The following ATP10B variants were observed in gnomAD, a reference collection of about 807,000 sequenced individuals.
ATP10B encodes phospholipid-transporting ATPase VB.
Under a neutral mutation model 141.2 loss-of-function variants are expected in ATP10B, and 122 were observed. The ratio of observed to expected loss-of-function variants is 0.86; its 90% CI spans 0.75 to 1.00. ATP10B has a LOEUF of 1.00. Among genes scored for constraint, ATP10B ranks in the 50% least tolerant of loss-of-function variants. The probability of loss-of-function intolerance (pLI) is 0.00; values close to 1 mark genes in which losing one functional copy is unlikely to be tolerated. For synonymous variants in ATP10B, 685 were observed against 692.0 expected (o/e 0.99, Z 0.16); for missense variants, 1,876 against 1,825.3 (o/e 1.03, Z -0.51).
At chr5:160,751,472 G>C (rs1768145470) in intron 2 of ATP10B, among the ~76,000 whole-genome samples, 1 of 152,184 alleles carries the variant, frequency 6.6e-6, no homozygotes, top group African/African-American at 2.4e-5. Flanking sequence ...CATGGAAACT[G>C]ATAGCGGGCT....
chr5:160,745,592 C>T (rs1432789), intron 2 of ATP10B, among the ~76,000 whole-genome samples: 23,237 of 152,136 alleles, frequency 0.15, 2,834 homozygotes, highest in African/African-American at 0.34. Flanking sequence ...GATCTGTAGC[C>T]TGATTGATAG....
intron 1 of ATP10B, among the ~76,000 whole-genome samples, chr5:160,813,907 C>A (rs952583143): frequency 6.6e-6 from 1 of 152,184 alleles, no homozygotes; most frequent in African/African-American, 2.4e-5. Context: ...CTCCAACAGA[C>A]CTGTAGCTGA....
the ATP10B span, among the ~76,000 whole-genome samples, chr5:160,884,496 A>C: frequency 1.3e-5 from 2 of 152,208 alleles, no homozygotes; most frequent in African/African-American, 2.4e-5. Flanking sequence ...TAGTATAATC[A>C]AAAGAACTGG....
chr5:160,684,237 C>G (rs1033328418), intron 6 of ATP10B, among the ~76,000 whole-genome samples: 3 of 152,214 alleles, frequency 2.0e-5, no homozygotes, highest in Non-Finnish European at 4.4e-5. Context: ...AATGCAATTT[C>G]AGCTTGCATT....
intron 2 of ATP10B, among the ~76,000 whole-genome samples, chr5:160,762,824 T>C (rs1020977086): frequency 3.3e-5 from 5 of 151,722 alleles, no homozygotes; most frequent in South Asian, 4.2e-4. Context: ...GAGACTTATC[T>C]GGCACATGAA....
intron 2 of ATP10B, among the ~76,000 whole-genome samples, chr5:160,774,340 T>C (rs1259296313): frequency 2.0e-5 from 3 of 152,204 alleles, no homozygotes; most frequent in Admixed American, 1.3e-4. Context: ...GAAATCTAAG[T>C]GTGCCGAAGA....
chr5:160,868,569 C>CACAT, the ATP10B span, among the ~76,000 whole-genome samples: 1 of 147,936 alleles, frequency 6.8e-6, no homozygotes, highest in East Asian at 2.0e-4. Flanking sequence ...CACACACACA[C>CACAT]GATGCAACTA....
intron 6 of ATP10B, among the ~76,000 whole-genome samples, chr5:160,679,315 G>T (rs977825962): frequency 1.3e-5 from 2 of 152,170 alleles, no homozygotes; most frequent in Non-Finnish European, 2.9e-5. Context: ...TAAAAAGTCA[G>T]ATTAAAAAAA....
chr5:160,643,451 G>A (rs372348211), intron 9 of ATP10B, among the ~76,000 whole-genome samples: 34 of 152,274 alleles, frequency 2.2e-4, no homozygotes, highest in Admixed American at 1.2e-3. Context: ...GGTGCGTTGC[G>A]TACCTACGAG....
chr5:160,612,747 C>T lies in ATP10B; in HGVS notation c.2832G>A (p.Glu944=). Reference sequence around the variant, plus strand: ...ATACAGAGAATCACCTCACCTGATTCTCTGTATTGATGGTATAAACAGTGT... The same window carrying T: ...ATACAGAGAATCACCTCACCTGATTTTCTGTATTGATGGTATAAACAGTGT... ...QTDTVYTINT[E]NQETCESILN... is the part of the protein sequence containing the mutation. The change falls in exon 18 of 26, where the codon GAG becomes GAA. Residue 944 remains glutamate, a synonymous_variant. Coordinates refer to ENST00000327245, the MANE Select transcript of ATP10B (RefSeq NM_025153.3). The T allele has an allele frequency of 2.5e-6, 4 of 1,612,712 alleles. No homozygotes were observed. The highest frequency in any genetic ancestry group is 3.4e-6 in the Non-Finnish European group (4 of 1,179,162).
intron 2 of ATP10B, among the ~76,000 whole-genome samples, chr5:160,746,156 C>T (rs1278039620): frequency 6.6e-6 from 1 of 152,166 alleles, no homozygotes; most frequent in African/African-American, 2.4e-5. Context: ...TTTTTGTCTC[C>T]ACTCTACTGC....
intron 20 of ATP10B, 54 bp downstream of exon 20, chr5:160,603,911 C>T: frequency 6.0e-6 from 9 of 1,506,148 alleles, no homozygotes; most frequent in South Asian, 2.3e-5. Context: ...CTGGATATTT[C>T]CTTGTATCTC....
At chr5:160,740,366 A>G (rs1257775986) in intron 2 of ATP10B, among the ~76,000 whole-genome samples, 1 of 152,236 alleles carries the variant, frequency 6.6e-6, no homozygotes, top group Admixed American at 6.5e-5. Flanking sequence ...TTTGTAAAGC[A>G]TTTTGTGCTT....
intron 1 of ATP10B, among the ~76,000 whole-genome samples, chr5:160,794,896 A>G (rs1771831905): frequency 6.6e-6 from 1 of 152,118 alleles, no homozygotes; most frequent in South Asian, 2.1e-4. Context: ...CTTTATTGTT[A>G]TTGTTGTTGT....
rs192085384 is a variant in ATP10B, at chr5:160,698,697, A to G, written c.-204-9754T>C. 1.3e-4 allele frequency among the ~76,000 whole-genome samples: 20 copies of G among 152,254 alleles called. No individual in the cohort carries two copies. In the East Asian group the frequency reaches 3.7e-3, roughly 28 times the overall value. On this transcript the variant is annotated intron_variant, in intron 3 of 25. Transcript: ENST00000327245. ...AATGGTTGGGAGATGAGATATATAT[A>G]TATACATGGAAAGGTACTGAATAGG...
At chr5:160,769,739 A>G (rs1769742795) in intron 2 of ATP10B, among the ~76,000 whole-genome samples, 2 of 152,226 alleles carry the variant, frequency 1.3e-5, no homozygotes, top group African/African-American at 4.8e-5. Context: ...TCTCTTGTTC[A>G]ACATCATTTT....
intron 3 of ATP10B, among the ~76,000 whole-genome samples, chr5:160,703,074 T>C (rs569683296): frequency 2.0e-5 from 3 of 152,218 alleles, no homozygotes; most frequent in Non-Finnish European, 4.4e-5. Flanking sequence ...TGGATTTTCA[T>C]ATGTGATGAA....
chr5:160,584,494 C>T (rs1258660190), intron 24 of ATP10B, among the ~76,000 whole-genome samples: 1 of 152,158 alleles, frequency 6.6e-6, no homozygotes, highest in Non-Finnish European at 1.5e-5. Context: ...TCGCCAGCCA[C>T]CCCTGCTCTC....
At chr5:160,730,115 T>C (rs939833445) in intron 2 of ATP10B, among the ~76,000 whole-genome samples, 1 of 152,192 alleles carries the variant, frequency 6.6e-6, no homozygotes, top group African/African-American at 2.4e-5. Flanking sequence ...AGCTAGCTGT[T>C]AGGCACTATG....
Sources: gnomAD v4.1 joint callset for allele counts (sites outside exome capture counted in the v4.1 genomes callset) on GRCh38, gnomAD v4.1.1 for gene constraint, MANE v1.5 for transcripts, NCBI Gene and HGNC (gene_info 2026-07-23, HGNC 2026-07-21) for gene names.